The following TRDN variants were observed in gnomAD, a reference collection of about 807,000 sequenced individuals.
TRDN encodes the protein triadin, also known as triadin in skeletal muscle.
TRDN carries 161 observed loss-of-function variants against 149.7 expected under a neutral mutation model. The observed-to-expected ratio is 1.08, with a 90% CI of 0.95 to 1.23. The LOEUF (loss-of-function observed/expected upper bound fraction) is 1.23. Ranked by LOEUF, TRDN falls within the 50% of genes most tolerant of loss-of-function variation. TRDN has a pLI of 0.00. For synonymous variants in TRDN, 294 were observed against 250.5 expected, an observed-to-expected ratio of 1.17 and a Z score of -1.64; for missense variants, 896 against 823.5, an observed-to-expected ratio of 1.09 and a Z score of -1.08.
chr6:123,556,368 C>T (rs1312119893), intron 2 of TRDN, among the ~76,000 whole-genome samples: 2 of 151,980 alleles, frequency 1.3e-5, no homozygotes, highest in Non-Finnish European at 2.9e-5. Context: ...AACATAGAGA[C>T]CATATACATA....
intron 1 of TRDN, among the ~76,000 whole-genome samples, chr6:123,582,670 C>T (rs550868466): frequency 7.9e-5 from 12 of 152,120 alleles, no homozygotes; most frequent in South Asian, 6.2e-4. Context: ...CAGGAACCCG[C>T]GATCTGGATG....
chr6:123,329,351 C>A (rs187060799), intron 23 of TRDN, among the ~76,000 whole-genome samples: 70 of 152,228 alleles, frequency 4.6e-4, no homozygotes, highest in African/African-American at 1.3e-3. Flanking sequence ...GTCTGATGCT[C>A]CTTTAATGAA....
intron 24 of TRDN, among the ~76,000 whole-genome samples, chr6:123,287,666 T>A (rs1031892187): frequency 6.6e-6 from 1 of 152,154 alleles, no homozygotes; most frequent in Non-Finnish European, 1.5e-5. Flanking sequence ...CATGCTTGTG[T>A]TGATCATGGT....
At chr6:123,308,441 C>G (rs1427072859) in intron 24 of TRDN, among the ~76,000 whole-genome samples, 1 of 151,066 alleles carries the variant, frequency 6.6e-6, no homozygotes, top group Non-Finnish European at 1.5e-5. Context: ...AATTTCTAAA[C>G]TAGTTTCCAC....
At chr6:123,255,176 C>A in intron 36 of TRDN, 51 bp from the exon 37 acceptor site, 1 of 912,866 alleles carries the variant, frequency 1.1e-6, no homozygotes. Flanking sequence ...AAGTAAATTT[C>A]CATCAAAATT....
chr6:123,414,589 T>C (rs1773576358), intron 12 of TRDN, among the ~76,000 whole-genome samples: 1 of 152,112 alleles, frequency 6.6e-6, no homozygotes, highest in African/African-American at 2.4e-5. Flanking sequence ...AAAATATATG[T>C]GTAATAATAA....
chr6:123,302,066 A>G (rs1778449860), intron 24 of TRDN, among the ~76,000 whole-genome samples: 1 of 150,712 alleles, frequency 6.6e-6, no homozygotes, highest in Admixed American at 6.7e-5. Flanking sequence ...TATATGTATA[A>G]TTCTACATAT....
chr6:123,527,492 A>C (rs1297326274), intron 5 of TRDN, among the ~76,000 whole-genome samples: 2 of 151,862 alleles, frequency 1.3e-5, no homozygotes, highest in Non-Finnish European at 2.9e-5. Flanking sequence ...GATCATTTTG[A>C]CCTATAAAAA....
chr6:123,283,844 G>A (rs1044636137), intron 24 of TRDN, among the ~76,000 whole-genome samples: 1 of 148,840 alleles, frequency 6.7e-6, no homozygotes, highest in Admixed American at 6.7e-5. Context: ...GGAATTGGGT[G>A]GATATACCCA....
intron 12 of TRDN, among the ~76,000 whole-genome samples, chr6:123,413,114 T>A (rs1215606330): frequency 6.6e-6 from 1 of 152,106 alleles, no homozygotes; most frequent in African/African-American, 2.4e-5. Flanking sequence ...ACTTCTTGAT[T>A]TGAAAAGTTA....
intron 21 of TRDN, chr6:123,350,625 C>CA (rs1780427094): frequency 1.3e-6 from 1 of 758,184 alleles, no homozygotes; most frequent in Non-Finnish European, 1.6e-6. Flanking sequence ...ATTAAAAGCA[C>CA]AAAATATCTA....
intron 8 of TRDN, chr6:123,503,381 G>A (rs1454026963): frequency 1.0e-6 from 1 of 985,090 alleles, no homozygotes. Flanking sequence ...CAAAGAGTAT[G>A]ACACATACAA....
At chr6:123,250,210 A>G (rs910728040) in intron 38 of TRDN, among the ~76,000 whole-genome samples, 1 of 152,152 alleles carries the variant, frequency 6.6e-6, no homozygotes, top group African/African-American at 2.4e-5. Context: ...AACAAAAGAC[A>G]TGACTTGCTC....
chr6:123,342,695 G>C (rs1211468384), intron 21 of TRDN, among the ~76,000 whole-genome samples: 2 of 151,892 alleles, frequency 1.3e-5, no homozygotes, highest in African/African-American at 4.8e-5. Context: ...TTGAACCCAG[G>C]TTATGAGATG....
intron 6 of TRDN, among the ~76,000 whole-genome samples, chr6:123,515,584 A>C (rs145938081): frequency 3.8e-4 from 57 of 151,778 alleles, no homozygotes; most frequent in African/African-American, 1.3e-3. Flanking sequence ...TATCTGGAAA[A>C]CATACAATAA....
At chr6:123,351,147 A>G (rs192645606) in intron 21 of TRDN, 851 of 984,804 alleles carry the variant, frequency 8.6e-4, no homozygotes, top group Non-Finnish European at 9.9e-4. Flanking sequence ...GGAAAGCTAT[A>G]AAACTCAATG....
intron 1 of TRDN, among the ~76,000 whole-genome samples, chr6:123,624,073 A>G (rs1242829025): frequency 1.3e-5 from 2 of 151,372 alleles, no homozygotes; most frequent in Non-Finnish European, 3.0e-5. Context: ...TGTATATTTT[A>G]CATTTCATCC....
chr6:123,368,226 C>T (rs1264129936), intron 19 of TRDN, among the ~76,000 whole-genome samples: 2 of 152,092 alleles, frequency 1.3e-5, no homozygotes, highest in Admixed American at 1.3e-4. Flanking sequence ...AGATTATCTC[C>T]TTGCTTCCTC....
chr6:123,293,339 T>C (rs2114654866), intron 24 of TRDN, among the ~76,000 whole-genome samples: 1 of 152,240 alleles, frequency 6.6e-6, no homozygotes, highest in Admixed American at 6.5e-5. Context: ...ATTGTGTATC[T>C]ATATCTCCAG....
Sources: allele counts gnomAD v4.1 joint callset (sites outside exome capture counted in the v4.1 genomes callset), GRCh38; gene constraint gnomAD v4.1.1; transcripts MANE v1.5; gene names NCBI Gene and HGNC (gene_info 2026-07-23, HGNC 2026-07-21).